The following GNAQ variants were observed in gnomAD, a reference collection of about 807,000 sequenced individuals.
GNAQ encodes the protein G protein subunit alpha q.
GNAQ carries 8 observed loss-of-function variants against 43.9 expected under a neutral mutation model. The ratio of observed to expected loss-of-function variants is 0.18; its 90% CI spans 0.11 to 0.33. The LOEUF (loss-of-function observed/expected upper bound fraction) is 0.33, where lower values mean the gene tolerates loss of function less well. Ranked by LOEUF, GNAQ falls within the 10% of genes least tolerant of loss-of-function variation. The probability of loss-of-function intolerance (pLI) is 1.00; values close to 1 mark genes in which losing one functional copy is unlikely to be tolerated. For synonymous variants in GNAQ, 155 were observed against 170.7 expected (o/e 0.91, Z 0.71); for missense variants, 158 against 450.8 (o/e 0.35, Z 5.88).
chr9:77,974,622 A>G (rs2118470399), intron 1 of GNAQ, among the ~76,000 whole-genome samples: 1 of 152,310 alleles, frequency 6.6e-6, no homozygotes, highest in South Asian at 2.1e-4. Flanking sequence ...GGGGAGGATA[A>G]TGGCCTGCAC....
intron 2 of GNAQ, among the ~76,000 whole-genome samples, chr9:77,850,568 T>G (rs929136642): frequency 6.6e-6 from 1 of 152,166 alleles, no homozygotes; most frequent in Non-Finnish European, 1.5e-5. Flanking sequence ...TTAAAGCCTT[T>G]CCACAGCTCC....
intron 2 of GNAQ, among the ~76,000 whole-genome samples, chr9:77,817,176 G>A (rs1029794335): frequency 1.9e-4 from 29 of 152,252 alleles, no homozygotes; most frequent in African/African-American, 2.6e-4. Context: ...CTCAATCATC[G>A]TTCCCCTCTG....
intron 3 of GNAQ, among the ~76,000 whole-genome samples, chr9:77,801,208 G>C (rs1346787556): frequency 6.6e-6 from 1 of 152,114 alleles, no homozygotes. Context: ...GGATAAGATG[G>C]AATCAGGCAC....
intron 2 of GNAQ, among the ~76,000 whole-genome samples, chr9:77,822,624 T>TAA (rs111910216): frequency 3.0e-5 from 4 of 131,540 alleles, no homozygotes; most frequent in African/African-American, 8.3e-5. Context: ...GCTTTTTGAT[T>TAA]AAAAAAAAAA....
chr9:77,919,780 T>C (rs1019754530), intron 2 of GNAQ, among the ~76,000 whole-genome samples: 3 of 152,192 alleles, frequency 2.0e-5, no homozygotes, highest in Non-Finnish European at 4.4e-5. Flanking sequence ...AAAACTCATA[T>C]ATTGTAACGT....
At chr9:77,749,967 CTG>C (rs1430293463) in intron 5 of GNAQ, among the ~76,000 whole-genome samples, 1 of 151,880 alleles carries the variant, frequency 6.6e-6, no homozygotes, top group African/African-American at 2.4e-5. Flanking sequence ...CTAATTTAGA[CTG>C]TTTTATTCTC....
intron 2 of GNAQ, among the ~76,000 whole-genome samples, chr9:77,872,484 T>C (rs1263453358): frequency 6.6e-6 from 1 of 152,200 alleles, no homozygotes; most frequent in Non-Finnish European, 1.5e-5. Context: ...ATAATTAATA[T>C]ACATATAAAT....
chr9:77,887,463 G>A (rs1292874250), intron 2 of GNAQ, among the ~76,000 whole-genome samples: 1 of 152,194 alleles, frequency 6.6e-6, no homozygotes, highest in East Asian at 1.9e-4. Context: ...TATTAGGCTT[G>A]CTTTACTATT....
chr9:77,812,769 C>A (rs946222227), intron 3 of GNAQ, among the ~76,000 whole-genome samples: 10 of 152,054 alleles, frequency 6.6e-5, no homozygotes, highest in Non-Finnish European at 1.3e-4. Context: ...AAAAAAGATA[C>A]ATATTGATGT....
chr9:77,800,723 TTAAA>T (rs1826731068), intron 3 of GNAQ, among the ~76,000 whole-genome samples: 2 of 151,584 alleles, frequency 1.3e-5, no homozygotes, highest in African/African-American at 4.8e-5. Context: ...ATAAATAAAT[TTAAA>T]AAAGAAAAAA....
intron 1 of GNAQ, among the ~76,000 whole-genome samples, chr9:77,948,035 G>A (rs913733044): frequency 6.6e-5 from 10 of 152,228 alleles, no homozygotes; most frequent in African/African-American, 2.4e-4. Context: ...GTAGCTAGAA[G>A]AATACGTGGC....
intron 1 of GNAQ, among the ~76,000 whole-genome samples, chr9:78,012,287 G>A (rs926861374): frequency 4.1e-4 from 61 of 149,718 alleles, no homozygotes; most frequent in African/African-American, 1.4e-3. Context: ...ACCCAGGCTG[G>A]AGTGCAATGG....
chr9:77,900,128 G>A (rs2118151801), intron 2 of GNAQ, among the ~76,000 whole-genome samples: 1 of 152,276 alleles, frequency 6.6e-6, no homozygotes, highest in South Asian at 2.1e-4. Flanking sequence ...TAATCCTGGA[G>A]TCTTTGAGAT....
At chr9:77,815,254 T>C (rs1409085657) in intron 3 of GNAQ, among the ~76,000 whole-genome samples, 3 of 151,566 alleles carry the variant, frequency 2.0e-5, no homozygotes, top group Non-Finnish European at 4.4e-5. Flanking sequence ...ATGAATAAGA[T>C]TGGATTTTCT....
rs148165342 is a variant in GNAQ at position 77,932,599 on chromosome 9, T to C, written c.137-10254A>G. On this transcript the variant is annotated intron_variant, in intron 1 of 6. Coordinates refer to ENST00000286548, the MANE Select transcript of GNAQ (RefSeq NM_002072.5). ...CTTGGAGGCTGAGGTGGGAACATAT[T>C]TAGCTGGCATGTTGCAGGTACAAGA... Among the ~76,000 whole-genome samples, 286 of 152,204 alleles carry C rather than the reference T, an allele frequency of 1.9e-3. 2 individuals are homozygous for C. Among genetic ancestry groups the C allele is most frequent in the African/African-American group, 6.1e-3 (252 of 41,534 alleles).
Position 77,841,232 on chromosome 9 carries a change from C to T in GNAQ, c.322-25462G>A, listed in dbSNP as rs533979619. ...AAAAAAGAAAACTCCGAATGTATAA[C>T]ACATATATTAGAGAAGCTTTCTTAA... is the stretch of plus-strand genomic sequence containing the variant. On this transcript the variant is annotated intron_variant, in intron 2 of 6. Transcript: ENST00000286548. 6.8e-4 allele frequency among the ~76,000 whole-genome samples: 103 copies of T among 152,258 alleles called. 1 individual carries two copies. The highest frequency in any genetic ancestry group is 2.4e-3 in the African/African-American group (99 of 41,546).
chr9:78,028,664 A>G (rs1236049795), intron 1 of GNAQ, among the ~76,000 whole-genome samples: 1 of 152,228 alleles, frequency 6.6e-6, no homozygotes, highest in Non-Finnish European at 1.5e-5. Flanking sequence ...GTGAATGGAT[A>G]CATCTTATAA....
intron 1 of GNAQ, among the ~76,000 whole-genome samples, chr9:78,000,901 A>C (rs1381309867): frequency 6.6e-6 from 1 of 152,216 alleles, no homozygotes; most frequent in Admixed American, 6.5e-5. Flanking sequence ...TAATAACCAA[A>C]CAGAACAAAT....
chr9:77,774,551 T>C (rs1160737781), intron 5 of GNAQ, among the ~76,000 whole-genome samples: 1 of 152,160 alleles, frequency 6.6e-6, no homozygotes, highest in African/African-American at 2.4e-5. Flanking sequence ...AGCCTCAAAC[T>C]CCTGGGCTCA....
Sources: gnomAD v4.1 joint callset for allele counts (sites outside exome capture counted in the v4.1 genomes callset) on GRCh38, gnomAD v4.1.1 for gene constraint, MANE v1.5 for transcripts, NCBI Gene and HGNC (gene_info 2026-07-23, HGNC 2026-07-21) for gene names.